USP47: variants seen among roughly 807,000 people sequenced by gnomAD.
USP47 encodes the protein ubiquitin carboxyl-terminal hydrolase 47.
A neutral mutation model predicts 165.1 loss-of-function variants in USP47; 35 were observed. The ratio of observed to expected loss-of-function variants is 0.21; its 90% CI spans 0.16 to 0.28. The LOEUF is 0.28. Among genes scored for constraint, USP47 ranks in the 10% least tolerant of loss-of-function variants. The pLI is 1.00. For missense variants in USP47, 1,277 were observed against 1,607.4 expected (o/e 0.79, Z 3.52); for synonymous variants, 531 against 544.5 (o/e 0.98, Z 0.35).
At chr11:11,934,759 A>G (rs775846958) in intron 16 of USP47, among the ~76,000 whole-genome samples, 11 of 152,110 alleles carry the variant, frequency 7.2e-5, no homozygotes, top group Admixed American at 3.3e-4. Flanking sequence ...TGAAAGGCAA[A>G]TGGGGTCACT....
chr11:11,938,176 A>G, intron 17 of USP47, 81 bp from the exon 18 acceptor site: 1 of 1,201,388 alleles, frequency 8.3e-7, no homozygotes, highest in Non-Finnish European at 1.2e-6. Context: ...CCTGTTAGAA[A>G]CACATTAAGA....
chr11:11,900,346 G>A (rs1402195380), intron 5 of USP47, among the ~76,000 whole-genome samples: 3 of 151,842 alleles, frequency 2.0e-5, no homozygotes, highest in Non-Finnish European at 2.9e-5. Context: ...ATTTTTAGTA[G>A]AGATGGGGTT....
At chr11:11,940,607 G>A (rs1855401684) in intron 19 of USP47, 59 bp downstream of exon 19, 1 of 1,565,304 alleles carries the variant, frequency 6.4e-7, no homozygotes, top group Non-Finnish European at 8.7e-7. Flanking sequence ...ATGAAATTAG[G>A]TTCAATATTA....
At chr11:11,876,848 C>T (rs1278569803) in intron 1 of USP47, among the ~76,000 whole-genome samples, 3 of 152,082 alleles carry the variant, frequency 2.0e-5, no homozygotes, top group Non-Finnish European at 4.4e-5. Context: ...GTTACACACA[C>T]AGCGTGACTT....
chr11:11,853,063 T>C (rs562085090), intron 1 of USP47, among the ~76,000 whole-genome samples: 2 of 152,282 alleles, frequency 1.3e-5, no homozygotes, highest in South Asian at 2.1e-4. Flanking sequence ...ATTAGTCATA[T>C]AGATTTTTTG....
chr11:11,870,175 A>G (rs1217811575), intron 1 of USP47, among the ~76,000 whole-genome samples: 2 of 150,262 alleles, frequency 1.3e-5, no homozygotes, highest in East Asian at 3.9e-4. Context: ...TTCCTTTTAT[A>G]TAGCTTTCTT....
chr11:11,897,137 CA>C (rs1199300137), intron 4 of USP47, among the ~76,000 whole-genome samples: 3 of 150,600 alleles, frequency 2.0e-5, no homozygotes, highest in South Asian at 4.3e-4. Flanking sequence ...GGCTTGATGA[CA>C]GGGGTAACTG....
chr11:11,848,086 T>A (rs914159750), intron 1 of USP47, among the ~76,000 whole-genome samples: 1 of 152,262 alleles, frequency 6.6e-6, no homozygotes, highest in Non-Finnish European at 1.5e-5. Context: ...AAGTCCTTGA[T>A]AATATGGATT....
At chr11:11,871,628 A>C (rs1055733672) in intron 1 of USP47, among the ~76,000 whole-genome samples, 4 of 151,082 alleles carry the variant, frequency 2.6e-5, no homozygotes, top group Admixed American at 1.3e-4. Flanking sequence ...TTACACACAT[A>C]TGCTGATGAG....
At chr11:11,953,843 A>G (rs1182858405) in intron 25 of USP47, among the ~76,000 whole-genome samples, 1 of 152,368 alleles carries the variant, frequency 6.6e-6, no homozygotes, top group Non-Finnish European at 1.5e-5. Context: ...GGGGATACAG[A>G]CAATATATAC....
At chr11:11,845,607 GT>G (rs1848383606) in intron 1 of USP47, among the ~76,000 whole-genome samples, 1 of 152,080 alleles carries the variant, frequency 6.6e-6, no homozygotes, top group Non-Finnish European at 1.5e-5. Flanking sequence ...GTTTTTGTAG[GT>G]TTTGTACTAT....
At chr11:11,848,607 A>ATTT (rs35165430) in intron 1 of USP47, among the ~76,000 whole-genome samples, 4 of 113,478 alleles carry the variant, frequency 3.5e-5, no homozygotes, top group African/African-American at 7.3e-5. Context: ...TGAAACTGGC[A>ATTT]TTTTTTTTTT....
At chr11:11,954,853 G>C (rs1856461926) in intron 25 of USP47, 44 bp from the exon 26 acceptor site, 1 of 1,600,188 alleles carries the variant, frequency 6.2e-7, no homozygotes, top group African/African-American at 1.3e-5. Context: ...TTCTAAGCAA[G>C]TTAATTTTTT....
chr11:11,847,551 TCAGTTAGTGTTATCGC>T (rs1273951744), intron 1 of USP47, among the ~76,000 whole-genome samples: 4 of 152,208 alleles, frequency 2.6e-5, no homozygotes, highest in African/African-American at 9.6e-5. Flanking sequence ...TTCTCCTGTT[TCAGTTAGTGTTATCGC>T]CATCTATTTA....
intron 20 of USP47, among the ~76,000 whole-genome samples, chr11:11,947,185 A>G (rs1354848016): frequency 6.6e-6 from 1 of 152,228 alleles, no homozygotes; most frequent in Non-Finnish European, 1.5e-5. Flanking sequence ...TGAGTGGCTT[A>G]TAAAATTAGG....
intron 1 of USP47, among the ~76,000 whole-genome samples, chr11:11,869,923 C>T (rs1179560630): frequency 6.6e-6 from 1 of 152,250 alleles, no homozygotes; most frequent in East Asian, 1.9e-4. Context: ...CAGATGCTGG[C>T]ATCTTGATAT....
intron 27 of USP47, among the ~76,000 whole-genome samples, chr11:11,955,716 T>C (rs1412594123): frequency 6.6e-6 from 1 of 152,228 alleles, no homozygotes; most frequent in Non-Finnish European, 1.5e-5. Context: ...ATTAGAGCTG[T>C]TGCATGTAAA....
At position 11,854,097 on chromosome 11, in the gene USP47, T is replaced by C. The variant is rs1198798471; in HGVS notation, c.39+11873T>C. Among the ~76,000 whole-genome samples, 8 of 135,962 alleles carry C rather than the reference T, an allele frequency of 5.9e-5. 1 individual carries two copies. Among genetic ancestry groups the C allele is most frequent in the African/African-American group, 2.1e-4 (8 of 37,778 alleles). 89.2% of individuals were successfully genotyped at this position (135,962 alleles called of 152,430 possible). A position where few individuals can be genotyped will look rare whatever the true frequency, so the allele number is the denominator to read the frequency against. ...TTGCAGTGAACCGAGATCGCACCAC[T>C]GCACTCCAGCTAGGGGGACAGGGCG... is the stretch of plus-strand genomic sequence containing the variant. On this transcript the variant is annotated intron_variant, in intron 1 of 27. Transcript: ENST00000527733.
At chr11:11,951,570 G>C (rs983603185) in intron 24 of USP47, 2 of 152,088 alleles carry the variant, frequency 1.3e-5, no homozygotes, top group Admixed American at 6.5e-5. Context: ...TTTTTTTGCT[G>C]TTGCTTAGGA....
Sources: gnomAD v4.1 joint callset for allele counts (sites outside exome capture counted in the v4.1 genomes callset) on GRCh38, gnomAD v4.1.1 for gene constraint, MANE v1.5 for transcripts, NCBI Gene and HGNC (gene_info 2026-07-23, HGNC 2026-07-21) for gene names.